Variants in TET3 observed in about 807,000 individuals in gnomAD.
TET3 encodes tet methylcytosine dioxygenase 3.
In TET3, 19 loss-of-function variants were observed where a neutral mutation model predicts 141.4. The observed-to-expected ratio is 0.13, with a 90% CI of 0.09 to 0.20. The LOEUF (loss-of-function observed/expected upper bound fraction) is 0.20, where lower values mean the gene tolerates loss of function less well. Among genes scored for constraint, TET3 ranks in the 10% least tolerant of loss-of-function variants. The pLI, the probability that TET3 is intolerant of heterozygous loss-of-function variation, is 1.00. For synonymous variants in TET3, 1,043 were observed against 980.9 expected, an observed-to-expected ratio of 1.06 and a Z score of -1.18; for missense variants, 1,874 against 2,356.9, an observed-to-expected ratio of 0.80 and a Z score of 4.24.
chr2:74,021,437 G>A (rs774405184), intron 3 of TET3, among the ~76,000 whole-genome samples: 4 of 152,218 alleles, frequency 2.6e-5, no homozygotes, highest in East Asian at 1.9e-4. Context: ...ATGTTTTGGC[G>A]TTTCAGAGAG....
At chr2:73,986,967 A>G (rs1573616758) in intron 2 of TET3, among the ~76,000 whole-genome samples, 1 of 152,112 alleles carries the variant, frequency 6.6e-6, no homozygotes. Context: ...TGTGATGTCT[A>G]CCTTTACCTC....
the TET3 span, among the ~76,000 whole-genome samples, chr2:74,126,762 C>G: frequency 6.6e-6 from 1 of 152,106 alleles, no homozygotes; most frequent in East Asian, 1.9e-4. Context: ...CTCGGCCTCC[C>G]AAAGTGCTGG....
chr2:74,069,661 A>T (rs534795572), intron 4 of TET3, among the ~76,000 whole-genome samples: 1 of 151,358 alleles, frequency 6.6e-6, no homozygotes, highest in African/African-American at 2.4e-5. Context: ...ATCATAGCTC[A>T]CTGCAGCCTT....
the TET3 span, among the ~76,000 whole-genome samples, chr2:74,116,230 A>T: frequency 6.6e-6 from 1 of 152,164 alleles, no homozygotes; most frequent in African/African-American, 2.4e-5. Context: ...GGATGCAGAG[A>T]AAAGGGAACT....
At chr2:74,051,080 G>C (rs1163610999) in intron 4 of TET3, among the ~76,000 whole-genome samples, 1 of 152,202 alleles carries the variant, frequency 6.6e-6, no homozygotes, top group African/African-American at 2.4e-5. Context: ...AACACAGATG[G>C]GGAGAGGCAG....
Position 74,103,658 on chromosome 2 carries a change from T to C in TET3, c.*1482T>C, listed in dbSNP as rs1196774916. 6.5e-6 allele frequency: 1 copy of C among 152,922 alleles called. No individual in the cohort carries two copies. The highest frequency in any genetic ancestry group is 2.4e-5 in the African/African-American group (1 of 41,444). The allele number at this position is 152,922 out of a possible 1,614,324, so 9.5% of individuals were successfully genotyped here. A position where few individuals can be genotyped will look rare whatever the true frequency, so the allele number is the denominator to read the frequency against. ...TTGAAATGAGAATGTGGTGCTTAAT[T>C]TTTGTGACGTTGTCGAGAGAGGTTG... On this transcript the variant is annotated 3_prime_UTR_variant, in exon 12 of 12. Transcript: ENST00000409262.
At position 74,099,201 on chromosome 2, in the gene TET3, T is replaced by C; in HGVS notation, c.3268-75T>C. 2.3e-6 allele frequency: 3 copies of C among 1,329,644 alleles called. No homozygotes were observed. The South Asian group carries it at 4.2e-5, about 19-fold the overall frequency. The allele number at this position is 1,329,644 out of a possible 1,614,324, so 82.4% of individuals were successfully genotyped here. The stretch of plus-strand genomic sequence containing the variant: ...TGGGGAAAGATGAGGTCATGTGTTT[T>C]GGGTGCTCAGACCCCTCTCTCCCAG... On this transcript the variant is annotated intron_variant, in intron 10 of 11. Transcript: ENST00000409262.
chr2:74,022,094 CTTTT>C (rs34529157), intron 3 of TET3, among the ~76,000 whole-genome samples: 3 of 82,756 alleles, frequency 3.6e-5, no homozygotes, highest in African/African-American at 1.5e-4. Context: ...TTCTAGGACA[CTTTT>C]TTTTTTTTTT....
intron 3 of TET3, among the ~76,000 whole-genome samples, chr2:74,006,743 C>T (rs190840644): frequency 6.6e-6 from 1 of 152,296 alleles, no homozygotes; most frequent in African/African-American, 2.4e-5. Flanking sequence ...TCTCACAATC[C>T]TCTTAAGTCC....
In TET3 at chr2:73,987,141, G is replaced by T. The variant is rs569960142; in HGVS notation, c.303+435G>T. ...AGGGTGGTTTTATGATGCCCTGATG[G>T]AGTGGGATGTTTCTTTCATCGTTTT... On this transcript the variant is annotated intron_variant, in intron 2 of 11. Transcript: ENST00000409262. Among the ~76,000 whole-genome samples, 5 of 152,304 alleles carry T rather than the reference G, an allele frequency of 3.3e-5. No individual in the cohort carries two copies. In the South Asian group the frequency reaches 1.0e-3, roughly 32 times the overall value.
At chr2:74,027,337 C>CT (rs10649560) in intron 3 of TET3, among the ~76,000 whole-genome samples, 22,471 of 139,566 alleles carry the variant, frequency 0.16, 2,712 homozygotes, top group African/African-American at 0.34. Flanking sequence ...TGAGAAGTGA[C>CT]TTTTTTTTTT....
chr2:74,027,035 C>T (rs1387672035), intron 3 of TET3, among the ~76,000 whole-genome samples: 1 of 152,218 alleles, frequency 6.6e-6, no homozygotes, highest in African/African-American at 2.4e-5. Flanking sequence ...TGAGATAAGA[C>T]CCTCCTGTTT....
rs939091438 is a variant in TET3, at chr2:73,991,799, C to CT, written c.303+5094dup. On this transcript the variant is annotated intron_variant, in intron 2 of 11. Transcript: ENST00000409262. ...CAACCTGGGCAACAAGAGTGAAACT[C>CT]TGTCTCAAAAAAAAAAAAAAAAAAA... Among the ~76,000 whole-genome samples the CT allele has an allele frequency of 5.9e-5, 6 of 102,494 alleles. 1 individual carries two copies. Among genetic ancestry groups the CT allele is most frequent in the Non-Finnish European group, 8.7e-5 (5 of 57,590 alleles). 67.2% of individuals were successfully genotyped at this position (102,494 alleles called of 152,430 possible). A position where few individuals can be genotyped will look rare whatever the true frequency, so the allele number is the denominator to read the frequency against.
chr2:74,097,477 G>GA (rs1690919523), intron 10 of TET3, among the ~76,000 whole-genome samples: 1 of 152,154 alleles, frequency 6.6e-6, no homozygotes, highest in South Asian at 2.1e-4. Context: ...ATCGGATATG[G>GA]TAAGACATGC....
chr2:74,097,746 C>T (rs878880233), intron 10 of TET3, among the ~76,000 whole-genome samples: 3 of 152,092 alleles, frequency 2.0e-5, no homozygotes, highest in African/African-American at 4.8e-5. Context: ...TCCTCGTGCA[C>T]GGCCCTCTAT....
the TET3 span, among the ~76,000 whole-genome samples, chr2:74,114,389 C>T: frequency 6.6e-6 from 1 of 152,052 alleles, no homozygotes; most frequent in Non-Finnish European, 1.5e-5. Flanking sequence ...GCACTAAAAT[C>T]TCAGAAATCA....
intron 3 of TET3, among the ~76,000 whole-genome samples, chr2:74,019,031 G>GA (rs948165210): frequency 6.6e-6 from 1 of 152,140 alleles, no homozygotes; most frequent in Admixed American, 6.5e-5. Flanking sequence ...AAGACTGCCT[G>GA]AAGCCAGGAG....
intron 5 of TET3, among the ~76,000 whole-genome samples, chr2:74,074,419 A>G (rs1338062818): frequency 6.6e-6 from 1 of 152,222 alleles, no homozygotes; most frequent in African/African-American, 2.4e-5. Context: ...ATGAGTTTAT[A>G]TTGACACTCC....
rs1313019219 is a variant in TET3, at chr2:74,101,464, C to T, written c.4676C>T (p.Pro1559Leu). 6.2e-7 allele frequency: 1 copy of T among 1,613,564 alleles called. No homozygotes were observed. The change falls in exon 12 of 12, where the codon CCC becomes CTC. Residue 1559 changes from proline to leucine, a missense_variant. Physicochemically the swap from Pro to Leu is moderately conservative, Grantham distance 98 (BLOSUM62 -3). Coordinates refer to ENST00000409262, the MANE Select transcript of TET3 (RefSeq NM_001287491.2). This position sits in a 1 kb window ranked among gnomAD's most constrained non-coding sequence, Gnocchi z 8.5. ...SPGFQDKLWN[P>L]MKGEEGRIPA... ...GGGTTCCAAGACAAGCTGTGGAACC[C>T]CATGAAAGGAGAGGAGGGCAGGATT...
Sources: gnomAD v4.1 joint callset for allele counts (sites outside exome capture counted in the v4.1 genomes callset) on GRCh38, gnomAD v4.1.1 for gene constraint, Gnocchi (gnomAD v3.1) non-coding constraint, MANE v1.5 for transcripts, NCBI Gene and HGNC (gene_info 2026-07-23, HGNC 2026-07-21) for gene names.